FMNL2: variants seen among roughly 807,000 people sequenced by gnomAD.
FMNL2 encodes the protein formin like 2.
A neutral mutation model predicts 130.2 loss-of-function variants in FMNL2; 51 were observed. The observed-to-expected ratio is 0.39, with a 90% CI of 0.31 to 0.49. The LOEUF (loss-of-function observed/expected upper bound fraction) is 0.49. Ranked by LOEUF, FMNL2 falls within the 20% of genes least tolerant of loss-of-function variation. The pLI, the probability that FMNL2 is intolerant of heterozygous loss-of-function variation, is 0.85. For synonymous variants in FMNL2, 465 were observed against 467.1 expected, an observed-to-expected ratio of 1.00 and a Z score of 0.06; for missense variants, 977 against 1,316.2, an observed-to-expected ratio of 0.74 and a Z score of 3.99.
At chr2:152,547,833 G>C (rs1694728172) in intron 3 of FMNL2, among the ~76,000 whole-genome samples, 1 of 152,168 alleles carries the variant, frequency 6.6e-6, no homozygotes, top group Non-Finnish European at 1.5e-5. Context: ...CATAAAGGTG[G>C]TTCAGGTTCG....
intron 15 of FMNL2, among the ~76,000 whole-genome samples, chr2:152,623,093 C>A (rs925206614): frequency 6.6e-6 from 1 of 152,198 alleles, no homozygotes; most frequent in South Asian, 2.1e-4. Context: ...GTGTTCTGAT[C>A]TCAGGCTTAT....
intron 25 of FMNL2, 111 bp downstream of exon 25, chr2:152,641,025 T>C: frequency 7.1e-7 from 1 of 1,417,934 alleles, no homozygotes; most frequent in Non-Finnish European, 9.7e-7. Context: ...AGTTCATTAG[T>C]TGACTTTATT....
intron 1 of FMNL2, among the ~76,000 whole-genome samples, chr2:152,457,175 G>A (rs1416681198): frequency 6.6e-6 from 1 of 151,198 alleles, no homozygotes; most frequent in Non-Finnish European, 1.5e-5. Context: ...GGAGAGCTCA[G>A]AGGGAGATGG....
chr2:152,620,882 C>T (rs1441954326), intron 15 of FMNL2: 1 of 955,102 alleles, frequency 1.0e-6, no homozygotes, highest in South Asian at 4.8e-5. Flanking sequence ...AACAAGATTC[C>T]AGTTCACAGT....
intron 9 of FMNL2, among the ~76,000 whole-genome samples, chr2:152,604,699 A>C (rs1698263697): frequency 6.6e-6 from 1 of 151,892 alleles, no homozygotes; most frequent in South Asian, 2.1e-4. Flanking sequence ...GGGTTCAAGC[A>C]ATTCTCCTTC....
chr2:152,402,304 G>A (rs1183594182), intron 1 of FMNL2, among the ~76,000 whole-genome samples: 3 of 152,172 alleles, frequency 2.0e-5, no homozygotes, highest in Non-Finnish European at 4.4e-5. Flanking sequence ...GTCAGAGGGC[G>A]GAGTGGAGGG....
intron 1 of FMNL2, among the ~76,000 whole-genome samples, chr2:152,474,689 A>T (rs972341480): frequency 6.6e-6 from 1 of 152,114 alleles, no homozygotes; most frequent in Non-Finnish European, 1.5e-5. Context: ...CTGTCTAAAA[A>T]AAAAACAAAA....
chr2:152,640,548 C>CTCTTGTTGCCGTAGACTCCAGCCT (rs1682994384), intron 24 of FMNL2, among the ~76,000 whole-genome samples: 1 of 152,212 alleles, frequency 6.6e-6, no homozygotes. Flanking sequence ...TACCAGTTGC[C>CTCTTGTTGCCGTAGACTCCAGCCT]TCTTGTTGCC....
At chr2:152,394,945 T>C (rs937998215) in intron 1 of FMNL2, among the ~76,000 whole-genome samples, 15 of 152,204 alleles carry the variant, frequency 9.9e-5, no homozygotes, top group African/African-American at 3.6e-4. Flanking sequence ...CTCCTGAGAC[T>C]GAAAAATTTG....
intron 2 of FMNL2, among the ~76,000 whole-genome samples, chr2:152,530,415 T>G (rs920495429): frequency 3.3e-5 from 5 of 152,122 alleles, no homozygotes; most frequent in Non-Finnish European, 5.9e-5. Context: ...AGCAAGTGCT[T>G]GAGCTGAAAC....
At chr2:152,338,523 G>A (rs1351689145) in intron 1 of FMNL2, among the ~76,000 whole-genome samples, 1 of 151,970 alleles carries the variant, frequency 6.6e-6, no homozygotes, top group African/African-American at 2.4e-5. Context: ...TAAATTGTGC[G>A]AATATAAAAA....
At chr2:152,551,186 A>T (rs913827525) in intron 4 of FMNL2, among the ~76,000 whole-genome samples, 9 of 152,108 alleles carry the variant, frequency 5.9e-5, no homozygotes, top group African/African-American at 2.2e-4. Context: ...TGCCGAAGTA[A>T]TGTGAAATTG....
At chr2:152,348,152 C>G (rs1682236063) in intron 1 of FMNL2, among the ~76,000 whole-genome samples, 1 of 152,222 alleles carries the variant, frequency 6.6e-6, no homozygotes. Context: ...AAAAACAACT[C>G]TCCTTACTTT....
chr2:152,593,669 C>A (rs1697556618), intron 9 of FMNL2, among the ~76,000 whole-genome samples: 1 of 152,082 alleles, frequency 6.6e-6, no homozygotes, highest in Admixed American at 6.5e-5. Context: ...AGGAAAGTAG[C>A]CCAACTATAG....
At chr2:152,466,946 C>G (rs559996937) in intron 1 of FMNL2, among the ~76,000 whole-genome samples, 27 of 152,286 alleles carry the variant, frequency 1.8e-4, no homozygotes, top group African/African-American at 6.0e-4. Context: ...CCGATTTTGT[C>G]CCTGAAGATT....
rs1302783731 is a variant in FMNL2, at chr2:152,619,020, G to A, written c.1489G>A (p.Val497Met). Reference sequence around the variant, plus strand: ...TGGGGATATCGCCATACTGCCAGTTGTGGCTTCTGGCACATTGTCCATGGG... The same window carrying A: ...TGGGGATATCGCCATACTGCCAGTTATGGCTTCTGGCACATTGTCCATGGG... ...GDGDIAILPVVASGTLSMGSE... is the reference protein window; with the variant it reads ...GDGDIAILPVMASGTLSMGSE... Residue 497 changes from valine to methionine, a missense_variant, in exon 14 of 26, where the codon GTG (valine) becomes ATG (methionine). Physicochemically the swap from Val to Met is conservative, Grantham distance 21. This residue lies in a region of FMNL2 where 689 missense variants were observed against 995.9 expected (regional missense o/e 0.69). Coordinates refer to ENST00000288670, the MANE Select transcript of FMNL2 (RefSeq NM_052905.4). The A allele has an allele frequency of 6.2e-7, 1 of 1,614,056 alleles. No individual in the cohort carries two copies. The highest frequency in any genetic ancestry group is 8.5e-7 in the Non-Finnish European group (1 of 1,179,900).
chr2:152,621,363 G>T (rs1699237004), intron 15 of FMNL2, among the ~76,000 whole-genome samples: 1 of 152,216 alleles, frequency 6.6e-6, no homozygotes, highest in Non-Finnish European at 1.5e-5. Flanking sequence ...AAGGGGCCAT[G>T]TCCTGTGTGA....
chr2:152,454,131 G>T (rs1688814320), intron 1 of FMNL2, among the ~76,000 whole-genome samples: 1 of 152,122 alleles, frequency 6.6e-6, no homozygotes, highest in East Asian at 1.9e-4. Flanking sequence ...AAAAAATTTA[G>T]CTGGGCATGG....
chr2:152,607,165 G>C (rs536770889), intron 9 of FMNL2, among the ~76,000 whole-genome samples, 174 bp from the exon 10 acceptor site: 128 of 152,186 alleles, frequency 8.4e-4, no homozygotes, highest in African/African-American at 3.0e-3. Flanking sequence ...TCAGCTTTTG[G>C]TTGCAGCTCA....
Sources: gnomAD v4.1 joint callset for allele counts (sites outside exome capture counted in the v4.1 genomes callset) on GRCh38, gnomAD v4.1.1 for gene constraint, gnomAD v4.1.1 regional missense constraint, MANE v1.5 for transcripts, NCBI Gene and HGNC (gene_info 2026-07-23, HGNC 2026-07-21) for gene names.